The following APBB2 variants were observed in gnomAD, a reference collection of about 807,000 sequenced individuals.
APBB2 encodes the protein Fe65-like 1.
Under a neutral mutation model 82.5 loss-of-function variants are expected in APBB2, and 38 were observed. That is an observed-to-expected ratio of 0.46 (90% CI 0.36 to 0.60). The LOEUF is 0.60. Ranked by LOEUF, APBB2 falls within the 20% of genes least tolerant of loss-of-function variation. The probability of loss-of-function intolerance (pLI) is 0.00; values close to 1 mark genes in which losing one functional copy is unlikely to be tolerated. For missense variants in APBB2, 772 were observed against 972.3 expected (o/e 0.79, Z 2.74); for synonymous variants, 341 against 368.2 (o/e 0.93, Z 0.85).
chr4:40,842,916 G>C (rs575199161), intron 12 of APBB2, among the ~76,000 whole-genome samples: 1 of 152,272 alleles, frequency 6.6e-6, no homozygotes, highest in East Asian at 1.9e-4. Flanking sequence ...AAGTGGGAGA[G>C]ACAGGAGATG....
intron 2 of APBB2, among the ~76,000 whole-genome samples, chr4:41,118,513 A>T (rs553428479): frequency 6.6e-6 from 1 of 152,354 alleles, no homozygotes; most frequent in African/African-American, 2.4e-5. Context: ...ATTGTCATTA[A>T]TATTATCAAA....
intron 1 of APBB2, among the ~76,000 whole-genome samples, chr4:41,213,329 A>G (rs1235661133): frequency 1.3e-5 from 2 of 152,110 alleles, no homozygotes; most frequent in Non-Finnish European, 2.9e-5. Context: ...GGACTTAAAC[A>G]AACTGTCCCC....
intron 3 of APBB2, among the ~76,000 whole-genome samples, chr4:41,078,370 T>C (rs1288055296): frequency 6.6e-6 from 1 of 152,186 alleles, no homozygotes; most frequent in Admixed American, 6.5e-5. Flanking sequence ...ACATGTATAA[T>C]TGCAATTAAA....
Position 40,972,445 on chromosome 4 carries a change from T to TAATAAATAAATAAATAAATAAATA in APBB2, c.836-27373_836-27372insTATTTATTTATTTATTTATTTATT, listed in dbSNP as rs1553888325. 2.2e-3 allele frequency among the ~76,000 whole-genome samples: 327 copies of TAATAAATAAATAAATAAATAAATA among 147,066 alleles called. 1 individual carries two copies. The highest frequency in any genetic ancestry group is 7.4e-3 in the African/African-American group (296 of 39,816). On this transcript the variant is annotated intron_variant, in intron 6 of 17. Coordinates refer to ENST00000508593, the MANE Select transcript of APBB2 (RefSeq NM_004307.2). ...TCCATCTCAAAAAAAAAAAAAATAA[T>TAATAAATAAATAAATAAATAAATA]AATAAATAAATAAATAAAATAGCAA...
chr4:41,147,351 T>C (rs1472203012), intron 1 of APBB2, among the ~76,000 whole-genome samples: 2 of 152,180 alleles, frequency 1.3e-5, no homozygotes, highest in Non-Finnish European at 2.9e-5. Flanking sequence ...ATTTGATTCA[T>C]AGATTGTGAA....
chr4:40,946,254 A>AAAAAAAC lies in APBB2; in HGVS notation c.836-1182_836-1181insGTTTTTT, dbSNP rs1553875174. Among the ~76,000 whole-genome samples the AAAAAAAC allele has an allele frequency of 9.0e-4, 103 of 114,554 alleles. 8 individuals are homozygous for AAAAAAAC. Among genetic ancestry groups the AAAAAAAC allele is most frequent in the African/African-American group, 2.4e-3 (72 of 30,320 alleles). The allele number at this position is 114,554 out of a possible 152,430, so 75.2% of individuals were successfully genotyped here. ...CTCCAAAAAAAAAAAAAAAAAAAAAACATTCCCAAGGAAAGCAGATTGGAA... is the reference window on the plus strand; with the variant it reads ...CTCCAAAAAAAAAAAAAAAAAAAAAAAAAAAACCATTCCCAAGGAAAGCAGATTGGAA... On this transcript the variant is annotated intron_variant, in intron 6 of 17. Transcript: ENST00000508593.
At chr4:41,101,349 A>G (rs2153968965) in intron 2 of APBB2, among the ~76,000 whole-genome samples, 1 of 150,836 alleles carries the variant, frequency 6.6e-6, no homozygotes, top group South Asian at 2.1e-4. Context: ...CTGTAGTCCC[A>G]GCTACTTGGG....
intron 12 of APBB2, among the ~76,000 whole-genome samples, chr4:40,864,118 G>A (rs536493522): frequency 9.2e-5 from 14 of 152,076 alleles, no homozygotes; most frequent in African/African-American, 3.1e-4. Flanking sequence ...TTAGCTGGGT[G>A]TGGTGGCGCC....
intron 5 of APBB2, among the ~76,000 whole-genome samples, chr4:41,030,954 G>A (rs1377187651): frequency 6.6e-6 from 1 of 152,130 alleles, no homozygotes; most frequent in Non-Finnish European, 1.5e-5. Context: ...GCAGGGCGTG[G>A]TGACTCACAC....
At chr4:41,055,482 A>G (rs1727510723) in intron 4 of APBB2, among the ~76,000 whole-genome samples, 1 of 152,130 alleles carries the variant, frequency 6.6e-6, no homozygotes, top group Non-Finnish European at 1.5e-5. Context: ...GACTTGCCTG[A>G]TAAGGTTGAC....
At chr4:40,883,754 A>G (rs1473844092) in intron 12 of APBB2, among the ~76,000 whole-genome samples, 1 of 150,426 alleles carries the variant, frequency 6.6e-6, no homozygotes, top group Non-Finnish European at 1.5e-5. Flanking sequence ...ACGACTTTCT[A>G]TATACAGCAG....
At chr4:41,117,903 C>G (rs1397800142) in intron 2 of APBB2, among the ~76,000 whole-genome samples, 3 of 152,122 alleles carry the variant, frequency 2.0e-5, no homozygotes, top group African/African-American at 7.2e-5. Flanking sequence ...GTATTTGACT[C>G]AGGTCAAAAC....
chr4:41,045,635 A>G (rs1327307629), intron 4 of APBB2, among the ~76,000 whole-genome samples: 1 of 152,040 alleles, frequency 6.6e-6, no homozygotes, highest in Non-Finnish European at 1.5e-5. Flanking sequence ...GTATGTTTTC[A>G]TTGTCAGTAG....
chr4:41,105,758 C>T (rs1431615960), intron 2 of APBB2, among the ~76,000 whole-genome samples: 1 of 151,934 alleles, frequency 6.6e-6, no homozygotes, highest in Non-Finnish European at 1.5e-5. Context: ...TGGTAGCGGG[C>T]GCCTGTAGTC....
chr4:40,966,660 T>C (rs1265648987), intron 6 of APBB2, among the ~76,000 whole-genome samples: 1 of 152,186 alleles, frequency 6.6e-6, no homozygotes, highest in African/African-American at 2.4e-5. Flanking sequence ...TGGATGGGCA[T>C]GTGCGTGCTT....
At chr4:41,013,176 C>T (rs574796381) in intron 6 of APBB2, among the ~76,000 whole-genome samples, 15 of 152,056 alleles carry the variant, frequency 9.9e-5, no homozygotes, top group Admixed American at 2.0e-4. Context: ...TAAAATAGTT[C>T]TCTTAATTGG....
chr4:40,921,377 A>G (rs1310824641), intron 10 of APBB2, among the ~76,000 whole-genome samples: 1 of 152,204 alleles, frequency 6.6e-6, no homozygotes. Context: ...CGTTTGTACA[A>G]TGGGAATAAT....
At chr4:40,974,769 C>A (rs1356218568) in intron 6 of APBB2, among the ~76,000 whole-genome samples, 1 of 152,166 alleles carries the variant, frequency 6.6e-6, no homozygotes, top group Non-Finnish European at 1.5e-5. Flanking sequence ...TGAGAATACA[C>A]AGTAAGAATG....
chr4:41,195,968 G>C, intron 1 of APBB2, among the ~76,000 whole-genome samples: 2 of 152,292 alleles, frequency 1.3e-5, no homozygotes, highest in East Asian at 3.9e-4. Flanking sequence ...AGACCATCCT[G>C]GCTAACACGG....
Sources: allele counts gnomAD v4.1 joint callset (sites outside exome capture counted in the v4.1 genomes callset), GRCh38; gene constraint gnomAD v4.1.1; transcripts MANE v1.5; gene names NCBI Gene and HGNC (gene_info 2026-07-23, HGNC 2026-07-21).